The following RAD54B variants were observed in gnomAD, a reference collection of about 807,000 sequenced individuals.
The protein encoded by RAD54B is RAD54 homolog B, also known as DNA repair and recombination protein RAD54B.
RAD54B carries 78 observed loss-of-function variants against 95.8 expected under a neutral mutation model. The observed-to-expected ratio is 0.81, with a 90% confidence interval of 0.68 to 0.98. RAD54B has a LOEUF of 0.98. Among genes scored for constraint, RAD54B ranks in the 50% least tolerant of loss-of-function variants. The pLI is 0.00. For synonymous variants in RAD54B, 328 were observed against 354.9 expected (o/e 0.92, Z 0.85); for missense variants, 957 against 1,056.6 (o/e 0.91, Z 1.31).
At chr8:94,409,411 C>T (rs767823045) in intron 4 of RAD54B, among the ~76,000 whole-genome samples, 22 of 151,690 alleles carry the variant, frequency 1.5e-4, no homozygotes, top group Admixed American at 3.9e-4. Flanking sequence ...GTCTCTCCAG[C>T]CCAGGCTGGA....
intron 14 of RAD54B, among the ~76,000 whole-genome samples, chr8:94,374,210 C>T (rs1227345365): frequency 2.0e-5 from 3 of 151,460 alleles, no homozygotes; most frequent in African/African-American, 4.9e-5. Flanking sequence ...ACCCGGGAGG[C>T]GGAGCTGGCA....
chr8:94,407,342 C>T, intron 5 of RAD54B, 97 bp downstream of exon 5: 1 of 1,216,958 alleles, frequency 8.2e-7, no homozygotes, highest in Non-Finnish European at 1.1e-6. Context: ...TATACTTTCA[C>T]CTAAAACTTT....
At chr8:94,463,039 G>A (rs578215144) in intron 2 of RAD54B, among the ~76,000 whole-genome samples, 2 of 152,000 alleles carry the variant, frequency 1.3e-5, no homozygotes, top group African/African-American at 4.8e-5. Context: ...AGCTAGGCGT[G>A]GCGGCAGGCA....
intron 8 of RAD54B, among the ~76,000 whole-genome samples, chr8:94,394,847 A>T (rs2129994058): frequency 6.6e-6 from 1 of 152,322 alleles, no homozygotes; most frequent in East Asian, 1.9e-4. Context: ...AGATGACATA[A>T]CTTTTTTAAT....
intron 2 of RAD54B, among the ~76,000 whole-genome samples, chr8:94,462,835 G>C (rs1812938955): frequency 6.6e-6 from 1 of 152,026 alleles, no homozygotes; most frequent in South Asian, 2.1e-4. Flanking sequence ...GAAAAAAATA[G>C]TAAATCTGTG....
In RAD54B at chr8:94,433,234, A is replaced by C. The variant is rs3136419; in HGVS notation, c.305-21919T>G. On this transcript the variant is annotated intron_variant, in intron 3 of 14. Transcript: ENST00000336148. ...TGCTCAACTACTGGAGGTTATCCTA[A>C]CTTTCTTATTTCAGATGCTTTTATC... is the stretch of plus-strand genomic sequence containing the variant. Among the ~76,000 whole-genome samples, 234 of 152,240 alleles carry C rather than the reference A, an allele frequency of 1.5e-3. 1 individual carries two copies. The highest frequency in any genetic ancestry group is 2.3e-3 in the Non-Finnish European group (157 of 67,956).
intron 3 of RAD54B, among the ~76,000 whole-genome samples, chr8:94,434,228 TAG>T (rs1321366034): frequency 1.3e-5 from 2 of 151,866 alleles, no homozygotes; most frequent in South Asian, 4.1e-4. Context: ...GTATGTAAAA[TAG>T]AGAGTATAAA....
intron 3 of RAD54B, 122 bp downstream of exon 3, chr8:94,458,146 C>A (rs1812818815): frequency 1.2e-6 from 1 of 865,274 alleles, no homozygotes; most frequent in South Asian, 2.1e-5. Context: ...GAACTACCAA[C>A]AATGTAGTGG....
intron 10 of RAD54B, among the ~76,000 whole-genome samples, chr8:94,390,249 C>G (rs1298447078): frequency 6.6e-6 from 1 of 151,626 alleles, no homozygotes. Context: ...CCTGTAATCC[C>G]AGCACTTTGG....
intron 4 of RAD54B, among the ~76,000 whole-genome samples, chr8:94,409,893 T>A (rs148085666): frequency 2.2e-3 from 341 of 152,320 alleles, no homozygotes; most frequent in African/African-American, 7.5e-3. Context: ...TACCAATGCA[T>A]GAACAAATTC....
intron 5 of RAD54B, 103 bp downstream of exon 5, chr8:94,407,336 C>T (rs1165495639): frequency 1.8e-6 from 2 of 1,133,324 alleles, no homozygotes; most frequent in Non-Finnish European, 2.5e-6. Context: ...ATAATGTATA[C>T]TTTCACCTAA....
At chr8:94,443,912 C>G (rs554732079) in intron 3 of RAD54B, among the ~76,000 whole-genome samples, 4 of 151,022 alleles carry the variant, frequency 2.6e-5, no homozygotes, top group Non-Finnish European at 5.9e-5. Context: ...ATCACATGCA[C>G]CCCCAAAATA....
In RAD54B at chr8:94,404,242, TAAAAA is replaced by T. The variant is rs776420881; in HGVS notation, c.782-8_782-4del. 33 of 1,576,132 alleles carry T rather than the reference TAAAAA, an allele frequency of 2.1e-5. No individual in the cohort carries two copies. Among genetic ancestry groups the T allele is most frequent in the Non-Finnish European group, 2.7e-5 (32 of 1,165,252 alleles). On this transcript the variant is annotated splice_region_variant and splice_polypyrimidine_tract_variant and intron_variant, in intron 5 of 14. Coordinates refer to ENST00000336148, the MANE Select transcript of RAD54B (RefSeq NM_012415.3). ...TGGTCGTGGCATAACGAGGGAATCT[TAAAAA>T]ATGATAAAAGTACAAGTATTGTAAT...
rs534637551 is a variant in RAD54B, at chr8:94,404,222, G to T, written c.799C>A (p.Arg267=). The change falls in exon 6 of 15, where the codon CGA becomes AGA. Residue 267 remains arginine, a synonymous_variant. Transcript: ENST00000336148. ...ACCCACTGGTGATTCTTATCTGGTCGTGGCATAACGAGGGAATCTTAAAAA... is the reference window on the plus strand; with the variant it reads ...ACCCACTGGTGATTCTTATCTGGTCTTGGCATAACGAGGGAATCTTAAAAA... ...PYTPNSLVMP[R]PDKNHQWVFN... is the part of the protein sequence containing the mutation. The T allele has an allele frequency of 9.4e-6, 15 of 1,588,854 alleles. No homozygotes were observed. The South Asian group carries it at 1.5e-4, about 16-fold the overall frequency.
intron 3 of RAD54B, among the ~76,000 whole-genome samples, chr8:94,442,661 A>C (rs1812431727): frequency 6.6e-6 from 1 of 152,138 alleles, no homozygotes; most frequent in South Asian, 2.1e-4. Context: ...TATAGTCAAC[A>C]ACAATTTATT....
chr8:94,432,791 T>G lies in RAD54B; in HGVS notation c.305-21476A>C, dbSNP rs1812146954. On this transcript the variant is annotated intron_variant, in intron 3 of 14. Coordinates refer to ENST00000336148, the MANE Select transcript of RAD54B (RefSeq NM_012415.3). ...TAAAGTTACAAAATAAAAAAAAATC[T>G]TAAACACTTGAAATACATTAAAGTG... is the stretch of plus-strand genomic sequence containing the variant. 9 of 1,172,690 alleles carry G rather than the reference T, an allele frequency of 7.7e-6. No individual in the cohort carries two copies. The South Asian group carries it at 2.5e-4, about 32-fold the overall frequency. 72.6% of individuals were successfully genotyped at this position (1,172,690 alleles called of 1,614,324 possible).
At chr8:94,446,658 C>G (rs1215389707) in intron 3 of RAD54B, among the ~76,000 whole-genome samples, 1 of 152,152 alleles carries the variant, frequency 6.6e-6, no homozygotes, top group Non-Finnish European at 1.5e-5. Context: ...CAAAGTCCAC[C>G]CTGAAGTACA....
intron 9 of RAD54B, 36 bp from the exon 10 acceptor site, chr8:94,391,935 T>C (rs1488540225): frequency 1.3e-6 from 2 of 1,508,402 alleles, no homozygotes; most frequent in African/African-American, 1.4e-5. Flanking sequence ...GAAAGTGTTA[T>C]AGACAAAAAT....
At chr8:94,472,075 T>A (rs1049120432) in intron 1 of RAD54B, among the ~76,000 whole-genome samples, 1 of 152,130 alleles carries the variant, frequency 6.6e-6, no homozygotes, top group Non-Finnish European at 1.5e-5. Flanking sequence ...TTTATATAGT[T>A]TGAGGAATGA....
Sources: allele counts gnomAD v4.1 joint callset (sites outside exome capture counted in the v4.1 genomes callset), GRCh38; gene constraint gnomAD v4.1.1; transcripts MANE v1.5; gene names NCBI Gene and HGNC (gene_info 2026-07-23, HGNC 2026-07-21).